Variants in PLXNA2 observed in about 807,000 individuals in gnomAD.
The protein encoded by PLXNA2 is plexin-A2.
Under a neutral mutation model 193.5 loss-of-function variants are expected in PLXNA2, and 91 were observed. The ratio of observed to expected loss-of-function variants is 0.47; its 90% CI spans 0.40 to 0.56. PLXNA2 has a LOEUF of 0.56. Ranked by LOEUF, PLXNA2 falls within the 20% of genes least tolerant of loss-of-function variation. PLXNA2 has a pLI of 0.00. For synonymous variants in PLXNA2, 997 were observed against 1,027.3 expected (o/e 0.97, Z 0.56); for missense variants, 1,995 against 2,503.2 (o/e 0.80, Z 4.33).
intron 3 of PLXNA2, among the ~76,000 whole-genome samples, chr1:208,194,868 A>G (rs1360693732): frequency 6.6e-6 from 1 of 152,206 alleles, no homozygotes; most frequent in Non-Finnish European, 1.5e-5. Flanking sequence ...TTTCTGGAGC[A>G]AAGCTGGCTC....
chr1:208,169,868 A>G, intron 3 of PLXNA2, among the ~76,000 whole-genome samples: 1 of 152,162 alleles, frequency 6.6e-6, no homozygotes, highest in South Asian at 2.1e-4. Context: ...GATTGGATGA[A>G]CTCTAAAATC....
rs1664352992 is a variant in PLXNA2 at position 208,026,721 on chromosome 1, T to A, written c.*522A>T. ...TTTCTCTCCAATGTCTCTCAGCATC[T>A]CTGCTTTCTCTGGCATTTGGAAATA... On this transcript the variant is annotated 3_prime_UTR_variant, in exon 32 of 32. Coordinates refer to ENST00000367033, the MANE Select transcript of PLXNA2 (RefSeq NM_025179.4). 1 of 151,958 alleles carries A rather than the reference T, an allele frequency of 6.6e-6. No homozygotes were observed. The highest frequency in any genetic ancestry group is 6.6e-5 in the Admixed American group (1 of 15,190). 9.4% of individuals were successfully genotyped at this position (151,958 alleles called of 1,614,324 possible).
intron 26 of PLXNA2, among the ~76,000 whole-genome samples, chr1:208,035,855 G>A (rs972765191): frequency 7.2e-5 from 11 of 152,194 alleles, no homozygotes; most frequent in Non-Finnish European, 1.2e-4. Flanking sequence ...TAGTGCTAAC[G>A]AGATTCCCTG....
chr1:208,125,861 T>A (rs550079937), intron 4 of PLXNA2, among the ~76,000 whole-genome samples: 2 of 152,244 alleles, frequency 1.3e-5, no homozygotes, highest in South Asian at 4.1e-4. Flanking sequence ...CATGGATAGA[T>A]CCGGACAGGC....
Position 208,060,801 on chromosome 1 carries a change from G to A in PLXNA2, c.2623C>T (p.Arg875Ter), listed in dbSNP as rs754005837. Reference protein sequence around the residue: ...TVSGPPEGGTRVTIHGVNLGL... With the variant: ...TVSGPPEGGT Reference sequence around the variant, plus strand: ...AGGTTCACGCCATGGATGGTCACTCGCGTCCCTCCTTCCGGCGGTCCAGAC... The same window carrying A: ...AGGTTCACGCCATGGATGGTCACTCACGTCCCTCCTTCCGGCGGTCCAGAC... The change falls in exon 13 of 32, where the codon CGA becomes TGA. Residue 875 changes from arginine (R) to a stop codon, truncating the protein, a stop_gained. Transcript: ENST00000367033. LOFTEE classifies it high-confidence loss of function. The A allele has an allele frequency of 6.2e-6, 10 of 1,613,940 alleles. No individual in the cohort carries two copies. The highest frequency in any genetic ancestry group is 3.3e-5 in the Admixed American group (2 of 59,996).
chr1:208,124,679 CAAAAAAAAAA>C (rs34909092), intron 4 of PLXNA2, among the ~76,000 whole-genome samples: 1 of 68,610 alleles, frequency 1.5e-5, no homozygotes, highest in East Asian at 4.3e-4. Flanking sequence ...AACTCCGTCT[CAAAAAAAAAA>C]AAAAAAAAAA....
At chr1:208,081,074 G>A (rs1361618254) in intron 11 of PLXNA2, among the ~76,000 whole-genome samples, 3 of 152,230 alleles carry the variant, frequency 2.0e-5, no homozygotes, top group Non-Finnish European at 4.4e-5. Context: ...AGAGTCACAA[G>A]TAGAGTTTCC....
intron 3 of PLXNA2, among the ~76,000 whole-genome samples, chr1:208,168,731 T>TG (rs1669393395): frequency 7.3e-6 from 1 of 137,594 alleles, no homozygotes; most frequent in African/African-American, 2.6e-5. Flanking sequence ...GGGGTTTTTT[T>TG]TTTTTTTTTT....
Position 208,031,574 on chromosome 1 carries a change from C to T in PLXNA2, c.5225+16G>A. On this transcript the variant is annotated intron_variant, in intron 29 of 31. Coordinates refer to ENST00000367033, the MANE Select transcript of PLXNA2 (RefSeq NM_025179.4). ...TCTCCAGGCTGCACCTCCTGCTGAG[C>T]TCCCCGAGGGTTTACCAGTTGCTTT... The T allele has an allele frequency of 1.9e-6, 3 of 1,613,940 alleles. No homozygotes were observed. Among genetic ancestry groups the T allele is most frequent in the East Asian group, 2.2e-5 (1 of 44,878 alleles).
chr1:208,199,810 A>G (rs752463394), intron 3 of PLXNA2, among the ~76,000 whole-genome samples: 11 of 152,234 alleles, frequency 7.2e-5, no homozygotes, highest in Middle Eastern at 3.2e-3. Flanking sequence ...GAGTTTCAGC[A>G]GATCACTCCA....
chr1:208,152,063 T>G (rs539943302), intron 3 of PLXNA2, among the ~76,000 whole-genome samples: 2 of 152,346 alleles, frequency 1.3e-5, no homozygotes, highest in Admixed American at 1.3e-4. Context: ...TCTCTTTAAT[T>G]AATTCATTCT....
intron 9 of PLXNA2, among the ~76,000 whole-genome samples, chr1:208,089,858 T>C (rs952759469): frequency 5.3e-5 from 8 of 152,100 alleles, no homozygotes; most frequent in African/African-American, 1.7e-4. Context: ...GGGATTCTAG[T>C]TCCCCAAACT....
intron 4 of PLXNA2, among the ~76,000 whole-genome samples, chr1:208,133,806 G>T (rs1424957096): frequency 6.6e-6 from 1 of 152,174 alleles, no homozygotes; most frequent in Non-Finnish European, 1.5e-5. Flanking sequence ...GATTTACCCT[G>T]ATTCTTCTGG....
In PLXNA2 at chr1:208,044,386, G is replaced by T. The variant is rs1194072765; in HGVS notation, c.3874+122C>A. ...AAGTTCTGGGAAAACAGGGGTGAAA[G>T]TGGAATGCAGAGGCATGGCTGGCAG... On this transcript the variant is annotated intron_variant, in intron 20 of 31. Transcript: ENST00000367033. This position sits in a 1 kb window ranked among gnomAD's most constrained non-coding sequence, Gnocchi z 4.9. The T allele has an allele frequency of 1.4e-6, 1 of 705,046 alleles. No homozygotes were observed. The highest frequency in any genetic ancestry group is 2.4e-6 in the Non-Finnish European group (1 of 408,726). The allele number at this position is 705,046 out of a possible 1,614,324, so 43.7% of individuals were successfully genotyped here.
chr1:208,089,028 T>C (rs17011908), intron 9 of PLXNA2, among the ~76,000 whole-genome samples: 12,019 of 152,326 alleles, frequency 0.079, 574 homozygotes, highest in Middle Eastern at 0.19. Flanking sequence ...GGTTAAATTA[T>C]ATATATGCTG....
intron 12 of PLXNA2, among the ~76,000 whole-genome samples, chr1:208,064,869 C>T (rs1223194244): frequency 6.6e-6 from 1 of 152,092 alleles, no homozygotes; most frequent in Admixed American, 6.5e-5. Context: ...CCCAATCCCC[C>T]GACCCCCACC....
At chr1:208,104,349 C>T (rs1044029077) in intron 4 of PLXNA2, among the ~76,000 whole-genome samples, 4 of 152,224 alleles carry the variant, frequency 2.6e-5, no homozygotes, top group African/African-American at 9.6e-5. Flanking sequence ...CGCTGTGGAG[C>T]TCTGGTGCTA....
intron 4 of PLXNA2, among the ~76,000 whole-genome samples, chr1:208,122,522 TTTA>T (rs1295080073): frequency 1.3e-5 from 2 of 152,224 alleles, no homozygotes; most frequent in Non-Finnish European, 2.9e-5. Flanking sequence ...AATAATAATT[TTTA>T]ATAATATTAA....
At chr1:208,047,977 G>A (rs1665133025) in intron 17 of PLXNA2, among the ~76,000 whole-genome samples, 4 of 152,156 alleles carry the variant, frequency 2.6e-5, no homozygotes, top group Admixed American at 2.6e-4. Context: ...AATGAGGCAT[G>A]GGGAGGTTGA....
Sources: gnomAD v4.1 joint callset for allele counts (sites outside exome capture counted in the v4.1 genomes callset) on GRCh38, gnomAD v4.1.1 for gene constraint, Gnocchi (gnomAD v3.1) non-coding constraint, MANE v1.5 for transcripts, NCBI Gene and HGNC (gene_info 2026-07-23, HGNC 2026-07-21) for gene names.